The following MAGI1 variants were observed in gnomAD, a reference collection of about 807,000 sequenced individuals.
MAGI1 encodes membrane-associated guanylate kinase, WW and PDZ domain-containing protein 1.
A neutral mutation model predicts 139.9 loss-of-function variants in MAGI1; 58 were observed. That is an observed-to-expected ratio of 0.41 (90% confidence interval 0.34 to 0.52). The LOEUF is 0.52. MAGI1 is among the 20% of genes least tolerant of loss of function. MAGI1 has a pLI of 0.12. For missense variants in MAGI1, 1,874 were observed against 1,901.6 expected (o/e 0.99, Z 0.27); for synonymous variants, 812 against 737.9 (o/e 1.10, Z -1.63).
At chr3:65,723,608 T>C (rs1034936195) in intron 1 of MAGI1, among the ~76,000 whole-genome samples, 1 of 152,244 alleles carries the variant, frequency 6.6e-6, no homozygotes, top group Non-Finnish European at 1.5e-5. Flanking sequence ...ATAGATGTTA[T>C]ATGTGTAACA....
intron 12 of MAGI1, among the ~76,000 whole-genome samples, chr3:65,413,554 G>A (rs1263814829): frequency 6.6e-6 from 1 of 152,230 alleles, no homozygotes; most frequent in African/African-American, 2.4e-5. Context: ...CTTGCTGAAA[G>A]AGTATCTGAA....
At chr3:65,736,122 G>A (rs978934781) in intron 1 of MAGI1, among the ~76,000 whole-genome samples, 4 of 152,196 alleles carry the variant, frequency 2.6e-5, no homozygotes, top group Admixed American at 1.3e-4. Flanking sequence ...TCAGAGAGCC[G>A]AAGGTTCATT....
At chr3:65,769,079 T>A (rs906900468) in intron 1 of MAGI1, among the ~76,000 whole-genome samples, 1 of 152,190 alleles carries the variant, frequency 6.6e-6, no homozygotes, top group African/African-American at 2.4e-5. Context: ...AATGCCTTTT[T>A]AAAAAAATTG....
At chr3:65,926,568 A>T (rs1358223153) in intron 1 of MAGI1, among the ~76,000 whole-genome samples, 4 of 152,230 alleles carry the variant, frequency 2.6e-5, no homozygotes, top group Admixed American at 2.0e-4. Context: ...AATAGGCTGC[A>T]GTAAAGAAGC....
chr3:65,979,576 C>T (rs1020199394), intron 1 of MAGI1, among the ~76,000 whole-genome samples: 4 of 152,158 alleles, frequency 2.6e-5, no homozygotes, highest in Admixed American at 6.6e-5. Context: ...TTCATTAGAA[C>T]CTTGAAGTAC....
At chr3:65,560,745 G>C (rs2080305780) in intron 2 of MAGI1, among the ~76,000 whole-genome samples, 1 of 152,150 alleles carries the variant, frequency 6.6e-6, no homozygotes, top group Non-Finnish European at 1.5e-5. Context: ...AGGCCAATGT[G>C]GGTGGGTTTT....
In MAGI1 at chr3:65,439,148, G is replaced by A. The variant is rs535084454; in HGVS notation, c.1270+731C>T. On this transcript the variant is annotated intron_variant, in intron 9 of 22. Coordinates refer to ENST00000402939, the MANE Select transcript of MAGI1 (RefSeq NM_001033057.2). ...AAACAAATGGCTAAATAAAGCAGAGGCATTCATGAAATGGAATATTACGTC... is the reference window on the plus strand; with the variant it reads ...AAACAAATGGCTAAATAAAGCAGAGACATTCATGAAATGGAATATTACGTC... Among the ~76,000 whole-genome samples, 20 of 152,108 alleles carry A rather than the reference G, an allele frequency of 1.3e-4. 1 individual carries two copies. In the Middle Eastern group the frequency reaches 0.014, roughly 103 times the overall value.
intron 1 of MAGI1, among the ~76,000 whole-genome samples, chr3:66,014,775 C>G (rs1413132566): frequency 2.0e-5 from 3 of 152,194 alleles, no homozygotes; most frequent in Non-Finnish European, 4.4e-5. Context: ...CACATGCTAT[C>G]TCATTCCGTC....
At chr3:65,991,428 C>A (rs1478004346) in intron 1 of MAGI1, among the ~76,000 whole-genome samples, 1 of 151,912 alleles carries the variant, frequency 6.6e-6, no homozygotes, top group Non-Finnish European at 1.5e-5. Context: ...TTCTGAGTGT[C>A]CTTCCTCAAT....
chr3:65,685,617 T>G (rs181691809), intron 1 of MAGI1, among the ~76,000 whole-genome samples: 33 of 152,348 alleles, frequency 2.2e-4, no homozygotes, highest in Admixed American at 2.2e-3. Context: ...AATTTAGAAG[T>G]AGCAAATAAA....
intron 2 of MAGI1, among the ~76,000 whole-genome samples, chr3:65,569,408 CTTAAAATGG>C (rs1291515994): frequency 6.6e-6 from 1 of 152,070 alleles, no homozygotes; most frequent in Non-Finnish European, 1.5e-5. Flanking sequence ...GAAATATGCA[CTTAAAATGG>C]TTAAAATGGT....
At chr3:65,910,026 G>C (rs1423228204) in intron 1 of MAGI1, among the ~76,000 whole-genome samples, 1 of 152,232 alleles carries the variant, frequency 6.6e-6, no homozygotes, top group South Asian at 2.1e-4. Context: ...CCACTGATCT[G>C]ACAGGAGGCG....
intron 1 of MAGI1, among the ~76,000 whole-genome samples, chr3:65,794,397 G>C (rs2108086604): frequency 6.6e-6 from 1 of 152,224 alleles, no homozygotes; most frequent in East Asian, 1.9e-4. Flanking sequence ...GGACCTGTTG[G>C]GGTATGGCCT....
chr3:65,894,005 A>T (rs1263963354), intron 1 of MAGI1: 1 of 152,192 alleles, frequency 6.6e-6, no homozygotes, highest in Admixed American at 6.5e-5. Flanking sequence ...TGGTTTCCAA[A>T]GTCAAGTGTC....
rs2069080372 is a variant in MAGI1 at position 66,038,911 on chromosome 3, G to C, written c.-603C>G. 6.6e-6 allele frequency: 1 copy of C among 152,272 alleles called. No homozygotes were observed. The highest frequency in any genetic ancestry group is 6.5e-5 in the Admixed American group (1 of 15,288). 9.4% of individuals were successfully genotyped at this position (152,272 alleles called of 1,614,324 possible). On this transcript the variant is annotated 5_prime_UTR_variant, in exon 1 of 23. Transcript: ENST00000402939. ...CGCAGCGGCCGGCGACAGGAGACGC[G>C]CGCGCATGCGCCCCGCGGCCGCCAG...
intron 13 of MAGI1, among the ~76,000 whole-genome samples, chr3:65,392,991 T>C (rs577253604): frequency 1.3e-5 from 2 of 152,294 alleles, no homozygotes; most frequent in Middle Eastern, 3.4e-3. Context: ...GGGAAAAACA[T>C]ACACTGTTGC....
At position 65,450,609 on chromosome 3, in the gene MAGI1, T is replaced by C. The variant is rs574157593; in HGVS notation, c.1043-2552A>G. 5.9e-5 allele frequency among the ~76,000 whole-genome samples: 9 copies of C among 152,258 alleles called. No individual in the cohort carries two copies. The South Asian group carries it at 1.9e-3, about 32-fold the overall frequency. On this transcript the variant is annotated intron_variant, in intron 6 of 22. Coordinates refer to ENST00000402939, the MANE Select transcript of MAGI1 (RefSeq NM_001033057.2). ...GTCGAAGTATCTTTGAGACAATCGT[T>C]GACATTATCAATCACATGGATTACA...
chr3:65,957,429 G>A (rs2064181084), intron 1 of MAGI1, among the ~76,000 whole-genome samples: 1 of 150,006 alleles, frequency 6.7e-6, no homozygotes, highest in Admixed American at 6.8e-5. Flanking sequence ...GCTGAGGTGG[G>A]AAGATCGCTT....
intron 1 of MAGI1, among the ~76,000 whole-genome samples, chr3:65,863,163 GATCA>G (rs2059611190): frequency 1.3e-5 from 2 of 152,280 alleles, no homozygotes; most frequent in South Asian, 4.1e-4. Context: ...ACAAAATTCG[GATCA>G]ATCTTCAAGG....
Sources: allele counts gnomAD v4.1 joint callset (sites outside exome capture counted in the v4.1 genomes callset), GRCh38; gene constraint gnomAD v4.1.1; transcripts MANE v1.5; gene names NCBI Gene and HGNC (gene_info 2026-07-23, HGNC 2026-07-21).